The following MYO1D variants were observed in gnomAD, a reference collection of about 807,000 sequenced individuals.
MYO1D encodes the protein unconventional myosin-Id.
Under a neutral mutation model 122.0 loss-of-function variants are expected in MYO1D, and 83 were observed. The ratio of observed to expected loss-of-function variants is 0.68; its 90% CI spans 0.57 to 0.82. The LOEUF (loss-of-function observed/expected upper bound fraction) is 0.82, where lower values mean the gene tolerates loss of function less well. Among genes scored for constraint, MYO1D ranks in the 40% least tolerant of loss-of-function variants. The pLI, the probability that MYO1D is intolerant of heterozygous loss-of-function variation, is 0.00. For synonymous variants in MYO1D, 464 were observed against 446.9 expected, an observed-to-expected ratio of 1.04 and a Z score of -0.48; for missense variants, 1,157 against 1,269.5, an observed-to-expected ratio of 0.91 and a Z score of 1.35.
At chr17:32,520,420 G>A (rs1910093614) in intron 21 of MYO1D, among the ~76,000 whole-genome samples, 1 of 152,242 alleles carries the variant, frequency 6.6e-6, no homozygotes, top group Non-Finnish European at 1.5e-5. Flanking sequence ...TGTGGCTGGG[G>A]AGGTTTTGAA....
intron 21 of MYO1D, among the ~76,000 whole-genome samples, chr17:32,508,851 G>T (rs1423467013): frequency 6.6e-6 from 1 of 152,214 alleles, no homozygotes; most frequent in Admixed American, 6.5e-5. Flanking sequence ...CACATCATTA[G>T]CCGTGGTCCC....
intron 14 of MYO1D, among the ~76,000 whole-genome samples, chr17:32,728,070 G>A (rs1387698997): frequency 6.6e-6 from 1 of 152,104 alleles, no homozygotes; most frequent in East Asian, 1.9e-4. Context: ...ATAAGGACAA[G>A]CAGATAAATT....
At chr17:32,843,654 C>T (rs113040898) in intron 1 of MYO1D, among the ~76,000 whole-genome samples, 1,929 of 152,148 alleles carry the variant, frequency 0.013, 21 homozygotes, top group Middle Eastern at 0.017. Context: ...CAGCTGAAAC[C>T]GAATGGAAGG....
chr17:32,768,992 C>G (rs967095286), intron 6 of MYO1D, among the ~76,000 whole-genome samples: 2 of 152,198 alleles, frequency 1.3e-5, no homozygotes, highest in Non-Finnish European at 2.9e-5. Flanking sequence ...TTACTCCTCT[C>G]TAAGTGTGCA....
intron 21 of MYO1D, among the ~76,000 whole-genome samples, chr17:32,547,741 G>A (rs756222838): frequency 6.6e-6 from 1 of 152,174 alleles, no homozygotes; most frequent in Non-Finnish European, 1.5e-5. Context: ...GAGGCCAGGA[G>A]ATCGAGACCA....
intron 21 of MYO1D, among the ~76,000 whole-genome samples, chr17:32,525,618 C>T (rs1014830194): frequency 1.3e-5 from 2 of 152,160 alleles, no homozygotes; most frequent in African/African-American, 4.8e-5. Flanking sequence ...CAGAACCCTG[C>T]TAGAAAGGAA....
chr17:32,720,313 C>T (rs190175894), intron 15 of MYO1D, among the ~76,000 whole-genome samples: 27 of 152,174 alleles, frequency 1.8e-4, no homozygotes, highest in South Asian at 1.0e-3. Flanking sequence ...GATTACTTTA[C>T]GGAGGTACTA....
At chr17:32,771,559 C>T (rs1271191913) in intron 5 of MYO1D, among the ~76,000 whole-genome samples, 1 of 152,166 alleles carries the variant, frequency 6.6e-6, no homozygotes, top group Non-Finnish European at 1.5e-5. Flanking sequence ...AGCAGCCTCA[C>T]TATAGACAGG....
At chr17:32,872,796 A>G (rs1271272696) in intron 1 of MYO1D, among the ~76,000 whole-genome samples, 1 of 144,450 alleles carries the variant, frequency 6.9e-6, no homozygotes, top group Non-Finnish European at 1.5e-5. Flanking sequence ...TCCCGGGTTC[A>G]CGCCATTCTC....
At chr17:32,843,794 G>T (rs961559853) in intron 1 of MYO1D, among the ~76,000 whole-genome samples, 1 of 152,104 alleles carries the variant, frequency 6.6e-6, no homozygotes, top group Admixed American at 6.5e-5. Context: ...ATTAACAATG[G>T]TAAAGCTTTT....
chr17:32,795,083 T>C (rs1035544226), intron 1 of MYO1D, among the ~76,000 whole-genome samples: 1 of 152,186 alleles, frequency 6.6e-6, no homozygotes, highest in Non-Finnish European at 1.5e-5. Context: ...CATGAGCTAC[T>C]GAGCAGACCG....
At chr17:32,604,089 C>G (rs2087596602) in intron 21 of MYO1D, among the ~76,000 whole-genome samples, 1 of 151,452 alleles carries the variant, frequency 6.6e-6, no homozygotes, top group South Asian at 2.1e-4. Context: ...AAATTATGCT[C>G]TATACATTTA....
At chr17:32,705,556 C>T (rs1236219946) in intron 16 of MYO1D, among the ~76,000 whole-genome samples, 1 of 152,206 alleles carries the variant, frequency 6.6e-6, no homozygotes, top group African/African-American at 2.4e-5. Context: ...GGCCACCACA[C>T]GTGGCCGATT....
intron 1 of MYO1D, among the ~76,000 whole-genome samples, chr17:32,844,437 A>ATATATGTG (rs1411219066): frequency 6.8e-6 from 1 of 147,296 alleles, no homozygotes; most frequent in African/African-American, 2.5e-5. Context: ...TATAATATGT[A>ATATATGTG]TATATATAAT....
intron 21 of MYO1D, among the ~76,000 whole-genome samples, chr17:32,576,813 T>C (rs1051996785): frequency 5.9e-5 from 9 of 152,334 alleles, no homozygotes; most frequent in African/African-American, 2.2e-4. Flanking sequence ...CATGCCACCA[T>C]GCCCAGCTAA....
intron 1 of MYO1D, among the ~76,000 whole-genome samples, chr17:32,785,015 A>G (rs2090279302): frequency 6.6e-6 from 1 of 152,184 alleles, no homozygotes; most frequent in South Asian, 2.1e-4. Context: ...GGAATCAGTG[A>G]AGACTTTTCT....
chr17:32,564,620 T>G (rs2087156018), intron 21 of MYO1D, among the ~76,000 whole-genome samples: 1 of 152,246 alleles, frequency 6.6e-6, no homozygotes, highest in Non-Finnish European at 1.5e-5. Context: ...ACATGGTCCC[T>G]GTTCTCAATG....
chr17:32,659,825 C>T (rs1217063987), intron 16 of MYO1D, among the ~76,000 whole-genome samples: 4 of 152,112 alleles, frequency 2.6e-5, no homozygotes, highest in African/African-American at 9.7e-5. Flanking sequence ...CCTCCTCTCC[C>T]GCGGCACTAT....
At position 32,755,510 on chromosome 17, in the gene MYO1D, G is replaced by A. The variant is rs576692452; in HGVS notation, c.1449C>T (p.Ala483=). ...ACATTACCTTTCGGCTGGAAAAATG[G>A]GCGTGTTTGCCCAATTTACTGTTAA... is the stretch of plus-strand genomic sequence containing the variant. ...EALNSKLGKH[A]HFSSRKLCAS... is the part of the protein sequence containing the mutation. Residue 483 remains alanine, a synonymous_variant, in exon 11 of 22, where the codon GCC becomes GCT. Coordinates refer to ENST00000318217, the MANE Select transcript of MYO1D (RefSeq NM_015194.3). 1 of 1,613,730 alleles carries A rather than the reference G, an allele frequency of 6.2e-7. No individual in the cohort carries two copies. Among genetic ancestry groups the A allele is most frequent in the Admixed American group, 1.7e-5 (1 of 60,002 alleles).
Sources: allele counts gnomAD v4.1 joint callset (sites outside exome capture counted in the v4.1 genomes callset), GRCh38; gene constraint gnomAD v4.1.1; transcripts MANE v1.5; gene names NCBI Gene and HGNC (gene_info 2026-07-23, HGNC 2026-07-21).